INTS3: variants seen among roughly 807,000 people sequenced by gnomAD.
INTS3 encodes the protein integrator complex subunit 3, also known as SOSS complex subunit A.
In INTS3, 34 loss-of-function variants were observed where a neutral mutation model predicts 146.3. That is an observed-to-expected ratio of 0.23 (90% confidence interval 0.18 to 0.31). The LOEUF is 0.31. Ranked by LOEUF, INTS3 falls within the 10% of genes least tolerant of loss-of-function variation. The pLI is 1.00. For missense variants in INTS3, 757 were observed against 1,304.2 expected (o/e 0.58, Z 6.46); for synonymous variants, 475 against 494.9 (o/e 0.96, Z 0.53).
At chr1:153,737,397 A>G (rs1458200090) in intron 1 of INTS3, among the ~76,000 whole-genome samples, 1 of 152,226 alleles carries the variant, frequency 6.6e-6, no homozygotes, top group East Asian at 1.9e-4. Flanking sequence ...CCAGTGACTA[A>G]GGTTCCCTTA....
intron 1 of INTS3, among the ~76,000 whole-genome samples, chr1:153,733,511 G>A (rs1465302068): frequency 6.7e-6 from 1 of 148,960 alleles, no homozygotes; most frequent in Non-Finnish European, 1.5e-5. Context: ...GCACCCAGCT[G>A]TCCTTGGGGA....
At chr1:153,755,327 G>A (rs141995399) in intron 9 of INTS3, among the ~76,000 whole-genome samples, 5 of 152,034 alleles carry the variant, frequency 3.3e-5, no homozygotes, top group Non-Finnish European at 4.4e-5. Flanking sequence ...GCAGTGGCGC[G>A]ATCTCGGCTC....
chr1:153,736,430 G>A (rs7515716), intron 1 of INTS3, among the ~76,000 whole-genome samples: 19,073 of 150,910 alleles, frequency 0.13, 2,070 homozygotes, highest in African/African-American at 0.29. Context: ...TGGTAAAGGA[G>A]AAGCATGATT....
intron 3 of INTS3, among the ~76,000 whole-genome samples, chr1:153,743,409 T>C (rs1671610199): frequency 6.6e-6 from 1 of 152,172 alleles, no homozygotes; most frequent in African/African-American, 2.4e-5. Context: ...AGAATACTGC[T>C]ATAAGGAAGG....
At chr1:153,748,044 T>G (rs550930820) in intron 5 of INTS3, 1 of 156,444 alleles carries the variant, frequency 6.4e-6, no homozygotes, top group East Asian at 1.9e-4. Context: ...TTAATCTATG[T>G]GATATGTGAC....
At position 153,752,386 on chromosome 1, in the gene INTS3, G is replaced by A. The variant is rs758981630; in HGVS notation, c.837G>A (p.Gln279=). Residue 279 remains glutamine (Q), a synonymous_variant, in exon 8 of 30, where the codon CAG becomes CAA. Coordinates refer to ENST00000318967, the MANE Select transcript of INTS3 (RefSeq NM_023015.5). The part of the protein sequence containing the change: ...LLWKDIIHNP[Q]ALSPQFTGIL... ...GGAAAGATATTATCCATAATCCTCA[G>A]GCCTTGAGTCCTCAGTTCACAGGTA... 2 of 1,612,296 alleles carry A rather than the reference G, an allele frequency of 1.2e-6. No homozygotes were observed. Among genetic ancestry groups the A allele is most frequent in the African/African-American group, 2.7e-5 (2 of 74,770 alleles).
At position 153,773,998 on chromosome 1, in the gene INTS3, GT is replaced by G. The variant is rs200086354; in HGVS notation, c.*737del. On this transcript the variant is annotated 3_prime_UTR_variant, in exon 30 of 30. Coordinates refer to ENST00000318967, the MANE Select transcript of INTS3 (RefSeq NM_023015.5). ...TTTCCTTGAGTCTGTTTTTTTTTTT[GT>G]TTTTTTTTGTTTTTTTTTTGGCAGA... 2.5e-3 allele frequency: 394 copies of G among 155,514 alleles called. 3 individuals carry two copies. Among genetic ancestry groups the G allele is most frequent in the African/African-American group, 9.0e-3 (343 of 38,026 alleles). The allele number at this position is 155,514 out of a possible 1,614,324, so 9.6% of individuals were successfully genotyped here. A position where few individuals can be genotyped will look rare whatever the true frequency, so the allele number is the denominator to read the frequency against.
Position 153,770,065 on chromosome 1 carries a change from G to C in INTS3, c.2390-133G>C. The C allele has an allele frequency of 1.5e-5, 3 of 204,570 alleles. No homozygotes were observed. The South Asian group carries it at 1.5e-4, about 10-fold the overall frequency. The allele number at this position is 204,570 out of a possible 1,614,324, so 12.7% of individuals were successfully genotyped here. A position where few individuals can be genotyped will look rare whatever the true frequency, so the allele number is the denominator to read the frequency against. ...TGGTAGTCAGTGGATTGGGGTGTGT[G>C]TGTGTGTGTGTGTGTGTGTGTGTGT... On this transcript the variant is annotated intron_variant, in intron 23 of 29. Coordinates refer to ENST00000318967, the MANE Select transcript of INTS3 (RefSeq NM_023015.5).
chr1:153,768,192 C>T (rs1672671856), intron 21 of INTS3, among the ~76,000 whole-genome samples: 1 of 152,194 alleles, frequency 6.6e-6, no homozygotes, highest in South Asian at 2.1e-4. Context: ...CTTGGATTCT[C>T]TCTGATAGTT....
intron 3 of INTS3, among the ~76,000 whole-genome samples, chr1:153,746,251 AC>A (rs998692277): frequency 6.6e-6 from 1 of 152,078 alleles, no homozygotes; most frequent in African/African-American, 2.4e-5. Context: ...TTTTGCAGTG[AC>A]CTTTTACTGA....
At chr1:153,729,797 A>G (rs1054582252) in intron 1 of INTS3, among the ~76,000 whole-genome samples, 1 of 150,878 alleles carries the variant, frequency 6.6e-6, no homozygotes, top group African/African-American at 2.4e-5. Context: ...ACCCGTGGGC[A>G]GAAGTTGCAG....
At position 153,747,040 on chromosome 1, in the gene INTS3, C is replaced by T. The variant is rs1425942667; in HGVS notation, c.402C>T (p.Tyr134=). The part of the protein sequence containing the change: ...NKINQILMEK[Y]LKLQDTCRTQ... ...TCAACCAGATACTTATGGAGAAGTA[C>T]CTGAAGCTGCAGGATACCTGCCGTA... Residue 134 remains tyrosine (Y), a synonymous_variant, in exon 4 of 30, where the codon TAC becomes TAT. Transcript: ENST00000318967. 6.2e-7 allele frequency: 1 copy of T among 1,612,420 alleles called. No individual in the cohort carries two copies. Among genetic ancestry groups the T allele is most frequent in the African/African-American group, 1.3e-5 (1 of 74,966 alleles).
intron 1 of INTS3, among the ~76,000 whole-genome samples, chr1:153,732,553 C>G (rs1022628940): frequency 1.3e-5 from 2 of 151,608 alleles, no homozygotes; most frequent in East Asian, 3.9e-4. Context: ...TCAAGCGATT[C>G]TCCTGCGTCA....
At chr1:153,734,395 GAGTAA>G (rs1406411060) in intron 1 of INTS3, among the ~76,000 whole-genome samples, 3 of 152,158 alleles carry the variant, frequency 2.0e-5, no homozygotes, top group African/African-American at 7.2e-5. Flanking sequence ...AGTCCAGGAA[GAGTAA>G]AGTATCCTTT....
Position 153,757,796 on chromosome 1 carries a change from G to A in INTS3, c.1149+33G>A, listed in dbSNP as rs745806032. 1 of 1,582,980 alleles carries A rather than the reference G, an allele frequency of 6.3e-7. No individual in the cohort carries two copies. Among genetic ancestry groups the A allele is most frequent in the East Asian group, 2.2e-5 (1 of 44,634 alleles). On this transcript the variant is annotated intron_variant, in intron 10 of 29. Transcript: ENST00000318967. The surrounding 1 kb of genome is among the most constrained non-coding windows in gnomAD (Gnocchi z 4.0). ...CAAAAGATACTGGGTGGTGAAGGGT[G>A]CCTCTTCCATGGTGTTCCCATGTTT...
chr1:153,762,602 A>G (rs1570874437), intron 14 of INTS3, 126 bp from the exon 15 acceptor site: 1 of 1,148,754 alleles, frequency 8.7e-7, no homozygotes, highest in African/African-American at 1.5e-5. Context: ...TCCCAGGGTC[A>G]GTATTCCATT....
chr1:153,771,294 C>G (rs1402695573), intron 25 of INTS3, among the ~76,000 whole-genome samples: 1 of 152,222 alleles, frequency 6.6e-6, no homozygotes, highest in East Asian at 1.9e-4. Context: ...TTTCTGCCTT[C>G]CTTCCACCCT....
At chr1:153,770,540 A>G in intron 24 of INTS3, 145 bp from the exon 25 acceptor site, 1 of 736,770 alleles carries the variant, frequency 1.4e-6, no homozygotes, top group Non-Finnish European at 2.3e-6. Flanking sequence ...AGGGACTGAT[A>G]GGAGTGGGGT....
At chr1:153,742,313 T>A (rs1671562846) in intron 3 of INTS3, among the ~76,000 whole-genome samples, 1 of 152,198 alleles carries the variant, frequency 6.6e-6, no homozygotes, top group Admixed American at 6.5e-5. Context: ...TATACTGAAT[T>A]TATCATCAAG....
Sources: allele counts gnomAD v4.1 joint callset (sites outside exome capture counted in the v4.1 genomes callset), GRCh38; gene constraint gnomAD v4.1.1; non-coding constraint Gnocchi (gnomAD v3.1); transcripts MANE v1.5; gene names NCBI Gene and HGNC (gene_info 2026-07-23, HGNC 2026-07-21).